Variants in BTBD9 observed in about 807,000 individuals in gnomAD.
BTBD9 encodes the protein BTB domain containing 9.
A neutral mutation model predicts 64.3 loss-of-function variants in BTBD9; 49 were observed. That is an observed-to-expected ratio of 0.76 (90% confidence interval 0.61 to 0.97). The LOEUF (loss-of-function observed/expected upper bound fraction) is 0.97. Among genes scored for constraint, BTBD9 ranks in the 50% least tolerant of loss-of-function variants. BTBD9 has a pLI of 0.00. For synonymous variants in BTBD9, 260 were observed against 274.7 expected, an observed-to-expected ratio of 0.95 and a Z score of 0.53; for missense variants, 598 against 762.1, an observed-to-expected ratio of 0.78 and a Z score of 2.53.
chr6:38,382,257 G>A (rs1765966708), intron 6 of BTBD9, among the ~76,000 whole-genome samples: 1 of 152,124 alleles, frequency 6.6e-6, no homozygotes, highest in Non-Finnish European at 1.5e-5. Flanking sequence ...AGTGCCAGAG[G>A]GAACAATAAG....
At chr6:38,365,777 A>G (rs1162687098) in intron 6 of BTBD9, among the ~76,000 whole-genome samples, 2 of 149,430 alleles carry the variant, frequency 1.3e-5, no homozygotes, top group African/African-American at 4.9e-5. Flanking sequence ...AAAAAAAAAC[A>G]TACTGAAGGT....
intron 4 of BTBD9, among the ~76,000 whole-genome samples, chr6:38,585,132 G>A (rs1290047479): frequency 6.6e-6 from 1 of 151,674 alleles, no homozygotes; most frequent in African/African-American, 2.4e-5. Flanking sequence ...CACCATCTCA[G>A]GAGACAAGAG....
At chr6:38,325,771 A>C (rs1763402924) in intron 7 of BTBD9, among the ~76,000 whole-genome samples, 1 of 152,244 alleles carries the variant, frequency 6.6e-6, no homozygotes, top group Non-Finnish European at 1.5e-5. Context: ...ATTAAGGCTC[A>C]GAAAGATTGT....
At position 38,296,739 on chromosome 6, in the gene BTBD9, C is replaced by T. The variant is rs541415591; in HGVS notation, c.1265-8278G>A. Among the ~76,000 whole-genome samples the T allele has an allele frequency of 1.3e-4, 20 of 152,066 alleles. No individual in the cohort carries two copies. The East Asian group carries it at 3.3e-3, about 25-fold the overall frequency. The stretch of plus-strand genomic sequence containing the variant: ...TCATTTCTAAATATTTTATAATTTC[C>T]TTTATCATTTTTCCTTTGACCCACG... On this transcript the variant is annotated intron_variant, in intron 7 of 10. Coordinates refer to ENST00000481247, the MANE Select transcript of BTBD9 (RefSeq NM_001099272.2).
chr6:38,509,555 T>C (rs184737945), intron 6 of BTBD9, among the ~76,000 whole-genome samples: 5 of 152,204 alleles, frequency 3.3e-5, no homozygotes, highest in African/African-American at 1.2e-4. Flanking sequence ...ACTCCTGAAA[T>C]AAAGCACTGA....
Position 38,353,027 on chromosome 6 carries a change from C to T in BTBD9, c.1155-7934G>A, listed in dbSNP as rs375107702. ...GATAGGTGATCTATTTAGCACTGAA[C>T]TTTATAGACAAAGTTGCTAAATTAG... On this transcript the variant is annotated intron_variant, in intron 6 of 10. Transcript: ENST00000481247. Among the ~76,000 whole-genome samples the T allele has an allele frequency of 1.8e-4, 28 of 152,302 alleles. 1 individual carries two copies. Among genetic ancestry groups the T allele is most frequent in the East Asian group, 1.2e-3 (6 of 5,186 alleles).
intron 7 of BTBD9, among the ~76,000 whole-genome samples, chr6:38,344,472 T>G (rs761763831): frequency 1.3e-5 from 2 of 152,162 alleles, no homozygotes; most frequent in Non-Finnish European, 2.9e-5. Flanking sequence ...TTACTTAAAT[T>G]ATATGGAGGC....
At position 38,489,972 on chromosome 6, in the gene BTBD9, T is replaced by C. The variant is rs147481170; in HGVS notation, c.1154+87628A>G. 1.2e-3 allele frequency among the ~76,000 whole-genome samples: 182 copies of C among 152,356 alleles called. 1 individual carries two copies. The highest frequency in any genetic ancestry group is 4.3e-3 in the African/African-American group (177 of 41,584). On this transcript the variant is annotated intron_variant, in intron 6 of 10. Coordinates refer to ENST00000481247, the MANE Select transcript of BTBD9 (RefSeq NM_001099272.2). Reference sequence around the variant, plus strand: ...TTGTTGTTGTTTTAATCTTGAAATGTAGCATTTCCAGCTAGTCAAATCCTC... The same window carrying C: ...TTGTTGTTGTTTTAATCTTGAAATGCAGCATTTCCAGCTAGTCAAATCCTC...
At chr6:38,588,585 T>G in intron 4 of BTBD9, 1 of 453,148 alleles carries the variant, frequency 2.2e-6, no homozygotes, top group Non-Finnish European at 3.6e-6. Context: ...CCCAAAAGAC[T>G]CCAGTACTGT....
intron 5 of BTBD9, 78 bp downstream of exon 5, chr6:38,580,140 G>A: frequency 7.2e-7 from 1 of 1,388,278 alleles, no homozygotes. Flanking sequence ...CATCATATCT[G>A]TAAAACAAAA....
chr6:38,509,095 T>C (rs1291190218), intron 6 of BTBD9, among the ~76,000 whole-genome samples: 1 of 152,170 alleles, frequency 6.6e-6, no homozygotes, highest in African/African-American at 2.4e-5. Context: ...GGGACAACTG[T>C]TTTACTTCCC....
At chr6:38,615,514 A>G (rs1242680524) in intron 1 of BTBD9, among the ~76,000 whole-genome samples, 1 of 152,146 alleles carries the variant, frequency 6.6e-6, no homozygotes, top group Non-Finnish European at 1.5e-5. Flanking sequence ...TTCCTTAAAC[A>G]CAGTCAAAGC....
At chr6:38,282,457 C>T (rs532347591) in intron 8 of BTBD9, among the ~76,000 whole-genome samples, 5 of 152,224 alleles carry the variant, frequency 3.3e-5, no homozygotes, top group East Asian at 3.9e-4. Flanking sequence ...TTTCTAGGAG[C>T]GGACTGGATC....
intron 6 of BTBD9, among the ~76,000 whole-genome samples, chr6:38,399,847 G>GT (rs1766848162): frequency 6.6e-6 from 1 of 151,986 alleles, no homozygotes; most frequent in Non-Finnish European, 1.5e-5. Flanking sequence ...CGCCTCCCGG[G>GT]TTCAAGCGAT....
chr6:38,610,315 C>T (rs1777571422), intron 1 of BTBD9, among the ~76,000 whole-genome samples: 1 of 152,184 alleles, frequency 6.6e-6, no homozygotes, highest in African/African-American at 2.4e-5. Flanking sequence ...ACTCTCTTTG[C>T]TGTAGCCATG....
At chr6:38,459,247 G>T (rs1769965567) in intron 6 of BTBD9, among the ~76,000 whole-genome samples, 1 of 152,142 alleles carries the variant, frequency 6.6e-6, no homozygotes, top group Non-Finnish European at 1.5e-5. Flanking sequence ...TCGAACTCCT[G>T]ACCTCAGGTG....
intron 7 of BTBD9, among the ~76,000 whole-genome samples, chr6:38,295,640 T>C (rs937131083): frequency 1.3e-5 from 2 of 152,238 alleles, no homozygotes; most frequent in African/African-American, 2.4e-5. Flanking sequence ...TTTATAAATA[T>C]GACTAATTTC....
intron 1 of BTBD9, among the ~76,000 whole-genome samples, chr6:38,608,896 C>T (rs1363611311): frequency 1.3e-5 from 2 of 152,124 alleles, no homozygotes; most frequent in Non-Finnish European, 2.9e-5. Flanking sequence ...TGACTTTATT[C>T]TAACTCCAAC....
intron 7 of BTBD9, among the ~76,000 whole-genome samples, chr6:38,325,512 T>C (rs1056956957): frequency 4.6e-5 from 7 of 152,110 alleles, no homozygotes; most frequent in African/African-American, 7.2e-5. Context: ...GGTGAAACCC[T>C]GTCTCCACTA....
Sources: gnomAD v4.1 joint callset for allele counts (sites outside exome capture counted in the v4.1 genomes callset) on GRCh38, gnomAD v4.1.1 for gene constraint, MANE v1.5 for transcripts, NCBI Gene and HGNC (gene_info 2026-07-23, HGNC 2026-07-21) for gene names.